CRB1: variants seen among roughly 807,000 people sequenced by gnomAD.
The protein encoded by CRB1 is protein crumbs homolog 1.
CRB1 carries 83 observed loss-of-function variants against 120.0 expected under a neutral mutation model. The observed-to-expected ratio is 0.69, with a 90% CI of 0.58 to 0.83. The LOEUF (loss-of-function observed/expected upper bound fraction) is 0.83, where lower values mean the gene tolerates loss of function less well. Ranked by LOEUF, CRB1 falls within the 40% of genes least tolerant of loss-of-function variation. CRB1 has a pLI of 0.00. For synonymous variants in CRB1, 625 were observed against 612.5 expected (o/e 1.02, Z -0.30); for missense variants, 1,699 against 1,687.6 (o/e 1.01, Z -0.12).
chr1:197,241,441 C>T, the CRB1 span, among the ~76,000 whole-genome samples: 2 of 152,118 alleles, frequency 1.3e-5, no homozygotes, highest in Non-Finnish European at 2.9e-5. Flanking sequence ...TTTCCAACAC[C>T]ATTTATTAAA....
chr1:197,201,850 A>T, the CRB1 span, among the ~76,000 whole-genome samples: 1 of 152,242 alleles, frequency 6.6e-6, no homozygotes, highest in African/African-American at 2.4e-5. Flanking sequence ...TAAGAAAAAA[A>T]ATTTTATACC....
At chr1:197,245,171 A>G in the CRB1 span, among the ~76,000 whole-genome samples, 1 of 151,994 alleles carries the variant, frequency 6.6e-6, no homozygotes, top group Non-Finnish European at 1.5e-5. Flanking sequence ...TTAACTCGTC[A>G]TTGAACATTA....
chr1:197,298,396 ACT>A (rs1328539542), intron 1 of CRB1, among the ~76,000 whole-genome samples: 5 of 152,134 alleles, frequency 3.3e-5, no homozygotes, highest in African/African-American at 9.7e-5. Context: ...GGTTCTATTT[ACT>A]CTGCAAGTAA....
At chr1:197,410,344 C>T (rs1269573060) in intron 5 of CRB1, among the ~76,000 whole-genome samples, 1 of 152,194 alleles carries the variant, frequency 6.6e-6, no homozygotes, top group Non-Finnish European at 1.5e-5. Context: ...GACACATCTT[C>T]GTTCTTGATT....
At chr1:197,349,071 A>G (rs1249341935) in intron 4 of CRB1, among the ~76,000 whole-genome samples, 1 of 152,200 alleles carries the variant, frequency 6.6e-6, no homozygotes, top group Admixed American at 6.5e-5. Flanking sequence ...TTAGTACCCT[A>G]CACAGGTGTA....
chr1:197,363,842 C>T (rs544400286), intron 5 of CRB1: 15 of 839,792 alleles, frequency 1.8e-5, no homozygotes, highest in Middle Eastern at 2.9e-4. Flanking sequence ...AAGTTCATCA[C>T]CAGGACTGTG....
chr1:197,220,593 A>G, the CRB1 span, among the ~76,000 whole-genome samples: 1 of 152,218 alleles, frequency 6.6e-6, no homozygotes, highest in Admixed American at 6.5e-5. Flanking sequence ...TGTTTTGTCA[A>G]TGACAGCTAA....
At chr1:197,441,735 G>A (rs1665452555) in intron 10 of CRB1, 2 of 146,568 alleles carry the variant, frequency 1.4e-5, no homozygotes, top group Non-Finnish European at 2.9e-5. Context: ...GATGCATGAG[G>A]ATCCTGATAG....
chr1:197,348,679 T>C (rs1312527915), intron 4 of CRB1, among the ~76,000 whole-genome samples: 1 of 152,020 alleles, frequency 6.6e-6, no homozygotes, highest in Non-Finnish European at 1.5e-5. Flanking sequence ...GGTTTCACTG[T>C]GTTAGCCAGG....
chr1:197,387,526 T>C (rs1662279420), intron 5 of CRB1, among the ~76,000 whole-genome samples: 1 of 152,070 alleles, frequency 6.6e-6, no homozygotes, highest in Non-Finnish European at 1.5e-5. Flanking sequence ...CTCTACATCT[T>C]TTTTGGAGCT....
At chr1:197,348,718 C>T (rs527468408) in intron 4 of CRB1, among the ~76,000 whole-genome samples, 5 of 152,078 alleles carry the variant, frequency 3.3e-5, no homozygotes, top group African/African-American at 4.8e-5. Context: ...CCTTGTGATC[C>T]GCCCGCCTCA....
chr1:197,257,170 G>A, the CRB1 span, among the ~76,000 whole-genome samples: 1 of 152,020 alleles, frequency 6.6e-6, no homozygotes, highest in Non-Finnish European at 1.5e-5. Flanking sequence ...GAGTCCAAAG[G>A]CCTAAGAACT....
chr1:197,456,995 T>C (rs1324224848), intron 11 of CRB1, among the ~76,000 whole-genome samples: 1 of 152,170 alleles, frequency 6.6e-6, no homozygotes, highest in African/African-American at 2.4e-5. Context: ...CTAAAGCCAG[T>C]AAGAGTTGAC....
chr1:197,224,226 A>T, the CRB1 span, among the ~76,000 whole-genome samples: 2 of 152,114 alleles, frequency 1.3e-5, no homozygotes, highest in African/African-American at 4.8e-5. Context: ...CTTCCTGGGG[A>T]CCCAAAAAGT....
chr1:197,290,578 A>G (rs958597754), intron 1 of CRB1, among the ~76,000 whole-genome samples: 58 of 151,492 alleles, frequency 3.8e-4, no homozygotes, highest in African/African-American at 1.3e-3. Context: ...TCTCCCCTCT[A>G]TCAGCCAACA....
chr1:197,456,036 T>G (rs1666269439), intron 11 of CRB1, among the ~76,000 whole-genome samples: 1 of 152,170 alleles, frequency 6.6e-6, no homozygotes. Flanking sequence ...GTATTTTAAT[T>G]TAGTTTCACA....
intron 1 of CRB1, among the ~76,000 whole-genome samples, chr1:197,302,884 T>G (rs533842566): frequency 1.1e-4 from 17 of 152,270 alleles, no homozygotes; most frequent in African/African-American, 4.1e-4. Flanking sequence ...TGTATGCAAC[T>G]GAAGGGAAGT....
intron 11 of CRB1, among the ~76,000 whole-genome samples, chr1:197,467,308 C>T (rs1311975477): frequency 1.3e-5 from 2 of 152,006 alleles, no homozygotes; most frequent in Non-Finnish European, 2.9e-5. Flanking sequence ...TTTGCTTTAT[C>T]TCTGTCCATA....
rs192239414 is a variant in CRB1, at chr1:197,286,113, T to C, written c.70+17631T>C. 1.5e-4 allele frequency among the ~76,000 whole-genome samples: 23 copies of C among 151,988 alleles called. No homozygotes were observed. In the East Asian group the frequency reaches 3.9e-3, roughly 26 times the overall value. ...GCTTTTTAAAGGAAGGAAAAGCTAA[T>C]TATTGGTGCTCCAGGACTGGGCAAA... On this transcript the variant is annotated intron_variant, in intron 1 of 11. Coordinates refer to ENST00000367400, the MANE Select transcript of CRB1 (RefSeq NM_201253.3).
Sources: gnomAD v4.1 joint callset for allele counts (sites outside exome capture counted in the v4.1 genomes callset) on GRCh38, gnomAD v4.1.1 for gene constraint, MANE v1.5 for transcripts, NCBI Gene and HGNC (gene_info 2026-07-23, HGNC 2026-07-21) for gene names.